The following TP63 variants were observed in gnomAD, a reference collection of about 807,000 sequenced individuals.
TP63 encodes tumor protein p63.
In TP63, 17 loss-of-function variants were observed where a neutral mutation model predicts 82.8. The ratio of observed to expected loss-of-function variants is 0.21; its 90% CI spans 0.14 to 0.31. The LOEUF (loss-of-function observed/expected upper bound fraction) is 0.31. Among genes scored for constraint, TP63 ranks in the 10% least tolerant of loss-of-function variants. TP63 has a pLI of 1.00. For synonymous variants in TP63, 330 were observed against 321.7 expected (o/e 1.03, Z -0.28); for missense variants, 648 against 895.3 (o/e 0.72, Z 3.52).
intron 3 of TP63, among the ~76,000 whole-genome samples, chr3:189,787,488 A>G (rs1355142737): frequency 4.1e-5 from 6 of 147,676 alleles, no homozygotes; most frequent in African/African-American, 1.5e-4. Context: ...GCCATAGTGG[A>G]TATATTGTCT....
intron 3 of TP63, among the ~76,000 whole-genome samples, chr3:189,799,043 C>G (rs1726012036): frequency 6.6e-6 from 1 of 152,006 alleles, no homozygotes; most frequent in Non-Finnish European, 1.5e-5. Flanking sequence ...AACAGTGTTC[C>G]CCGCTTGAAT....
At chr3:189,842,032 A>G (rs1458927808) in intron 4 of TP63, among the ~76,000 whole-genome samples, 1 of 152,188 alleles carries the variant, frequency 6.6e-6, no homozygotes, top group Non-Finnish European at 1.5e-5. Flanking sequence ...TTGGGCCCAG[A>G]GGGGAAAGAA....
At chr3:189,808,035 GT>G (rs1183797537) in intron 3 of TP63, among the ~76,000 whole-genome samples, 1 of 152,222 alleles carries the variant, frequency 6.6e-6, no homozygotes. Context: ...TAGGAAGTCA[GT>G]CTCCAGAGGT....
chr3:189,723,911 A>G (rs1313287103), intron 1 of TP63, among the ~76,000 whole-genome samples: 1 of 152,110 alleles, frequency 6.6e-6, no homozygotes, highest in Non-Finnish European at 1.5e-5. Context: ...GTGCACCCTC[A>G]GGATTACCAT....
intron 3 of TP63, among the ~76,000 whole-genome samples, chr3:189,803,443 ATAAT>A (rs1049737797): frequency 6.6e-6 from 1 of 152,264 alleles, no homozygotes; most frequent in African/African-American, 2.4e-5. Flanking sequence ...TTATAGGAAA[ATAAT>A]TACGTCATCA....
At chr3:189,677,559 C>A (rs1715549189) in intron 1 of TP63, among the ~76,000 whole-genome samples, 1 of 151,562 alleles carries the variant, frequency 6.6e-6, no homozygotes, top group Non-Finnish European at 1.5e-5. Context: ...AGTCAATGTA[C>A]AAATGCAGGC....
intron 3 of TP63, among the ~76,000 whole-genome samples, chr3:189,786,556 A>G (rs1486759570): frequency 1.3e-5 from 2 of 151,948 alleles, no homozygotes; most frequent in Non-Finnish European, 2.9e-5. Context: ...GATGTTAAAA[A>G]AGATAGTCAA....
chr3:189,894,979 C>T lies in TP63; in HGVS notation c.*477C>T, dbSNP rs1721363130. 4.5e-6 allele frequency: 1 copy of T among 221,680 alleles called. No individual in the cohort carries two copies. Among genetic ancestry groups the T allele is most frequent in the Non-Finnish European group, 9.1e-6 (1 of 109,886 alleles). 13.7% of individuals were successfully genotyped at this position (221,680 alleles called of 1,614,324 possible). Reference sequence around the variant, plus strand: ...TGTTTTGGATGGCTTGTCTATACTCCTTCCCTTAAGGGGTATCATGTATGG... The same window carrying T: ...TGTTTTGGATGGCTTGTCTATACTCTTTCCCTTAAGGGGTATCATGTATGG... On this transcript the variant is annotated 3_prime_UTR_variant, in exon 14 of 14. Transcript: ENST00000264731.
At chr3:189,774,144 G>A (rs566801932) in intron 3 of TP63, among the ~76,000 whole-genome samples, 81 of 151,888 alleles carry the variant, frequency 5.3e-4, no homozygotes, top group African/African-American at 1.8e-3. Context: ...GGATGGTCTC[G>A]ATCTCCTGAT....
intron 1 of TP63, among the ~76,000 whole-genome samples, chr3:189,702,171 G>T (rs1484655198): frequency 6.6e-6 from 1 of 152,150 alleles, no homozygotes; most frequent in Non-Finnish European, 1.5e-5. Context: ...TAGTTACTGA[G>T]CTTCTCTAGT....
At chr3:189,796,607 A>G (rs1261875044) in intron 3 of TP63, among the ~76,000 whole-genome samples, 1 of 152,036 alleles carries the variant, frequency 6.6e-6, no homozygotes, top group African/African-American at 2.4e-5. Flanking sequence ...AAATGTTAAC[A>G]TATGATTGTC....
chr3:189,696,275 G>A (rs866235678), intron 1 of TP63, among the ~76,000 whole-genome samples: 105 of 152,138 alleles, frequency 6.9e-4, no homozygotes, highest in Middle Eastern at 6.8e-3. Flanking sequence ...GCCTTTTACA[G>A]AATGTCATAT....
intron 3 of TP63, among the ~76,000 whole-genome samples, chr3:189,745,708 C>CAA (rs71298529): frequency 0.089 from 1,538 of 17,336 alleles, 245 homozygotes; most frequent in Admixed American, 0.11. Flanking sequence ...AACTCCATCT[C>CAA]AAAAAAAAAA....
intron 1 of TP63, among the ~76,000 whole-genome samples, chr3:189,641,582 ATAAT>A (rs1711877413): frequency 6.6e-6 from 1 of 152,104 alleles, no homozygotes; most frequent in Non-Finnish European, 1.5e-5. Context: ...TCATTAATAA[ATAAT>A]CTAATGAGCA....
chr3:189,699,890 A>G (rs1717673574), intron 1 of TP63, among the ~76,000 whole-genome samples: 1 of 152,216 alleles, frequency 6.6e-6, no homozygotes, highest in South Asian at 2.1e-4. Flanking sequence ...TTACACAAAT[A>G]TTTACCAACA....
intron 4 of TP63, among the ~76,000 whole-genome samples, chr3:189,820,543 T>C (rs1728696131): frequency 6.6e-6 from 1 of 152,130 alleles, no homozygotes; most frequent in Non-Finnish European, 1.5e-5. Flanking sequence ...ACTTTGAGTT[T>C]AGGGGTGGAG....
rs1721422220 is a variant in TP63 at position 189,895,788 on chromosome 3, A to G, written c.*1286A>G. The G allele has an allele frequency of 4.4e-6, 1 of 226,908 alleles. No homozygotes were observed. Among genetic ancestry groups the G allele is most frequent in the African/African-American group, 2.2e-5 (1 of 45,040 alleles). 14.1% of individuals were successfully genotyped at this position (226,908 alleles called of 1,614,324 possible). A position where few individuals can be genotyped will look rare whatever the true frequency, so the allele number is the denominator to read the frequency against. ...GTTTACCTTTCTCTCTCTAAGGTTT[A>G]CAATAGGAGTGGTGATTTGAAAAAT... is the stretch of plus-strand genomic sequence containing the variant. On this transcript the variant is annotated 3_prime_UTR_variant, in exon 14 of 14. Coordinates refer to ENST00000264731, the MANE Select transcript of TP63 (RefSeq NM_003722.5).
At chr3:189,616,585 G>C in the TP63 span, among the ~76,000 whole-genome samples, 1 of 152,194 alleles carries the variant, frequency 6.6e-6, no homozygotes, top group African/African-American at 2.4e-5. Flanking sequence ...GTGGGTAATA[G>C]GGATATTCGG....
chr3:189,801,912 CAT>C (rs1726349220), intron 3 of TP63, among the ~76,000 whole-genome samples: 1 of 152,130 alleles, frequency 6.6e-6, no homozygotes, highest in Non-Finnish European at 1.5e-5. Context: ...AAATGAGTGA[CAT>C]ATTTTATACC....
Sources: gnomAD v4.1 joint callset for allele counts (sites outside exome capture counted in the v4.1 genomes callset) on GRCh38, gnomAD v4.1.1 for gene constraint, MANE v1.5 for transcripts, NCBI Gene and HGNC (gene_info 2026-07-23, HGNC 2026-07-21) for gene names.